Variants in PRKAR1B observed in about 807,000 individuals in gnomAD.
The protein encoded by PRKAR1B is protein kinase cAMP-dependent type I regulatory subunit beta.
PRKAR1B carries 22 observed loss-of-function variants against 46.5 expected under a neutral mutation model. The ratio of observed to expected loss-of-function variants is 0.47; its 90% CI spans 0.34 to 0.68. The LOEUF (loss-of-function observed/expected upper bound fraction) is 0.68. Among genes scored for constraint, PRKAR1B ranks in the 30% least tolerant of loss-of-function variants. The pLI is 0.01. For synonymous variants in PRKAR1B, 259 were observed against 217.7 expected (o/e 1.19, Z -1.67); for missense variants, 445 against 535.6 (o/e 0.83, Z 1.67).
chr7:579,168 G>A, intron 9 of PRKAR1B, 88 bp downstream of exon 9: 1 of 1,605,382 alleles, frequency 6.2e-7, no homozygotes, highest in East Asian at 2.2e-5. Flanking sequence ...CCAGAGGGAG[G>A]GTGAGGCGGG....
intron 8 of PRKAR1B, among the ~76,000 whole-genome samples, chr7:581,299 T>C (rs1341188304): frequency 7.8e-5 from 8 of 101,992 alleles, no homozygotes; most frequent in African/African-American, 3.6e-4. Flanking sequence ...CAACACTCTG[T>C]CTCAAAAAAA....
chr7:637,943 G>A (rs542369845), intron 4 of PRKAR1B, among the ~76,000 whole-genome samples: 4 of 152,332 alleles, frequency 2.6e-5, no homozygotes, highest in South Asian at 2.1e-4. Context: ...CCGTGTGGAC[G>A]CCCAGATTGT....
intron 2 of PRKAR1B, chr7:691,490 G>T (rs1253464299): frequency 1.5e-6 from 2 of 1,304,176 alleles, no homozygotes; most frequent in South Asian, 1.2e-5. Flanking sequence ...GCCCCCCAGC[G>T]CACCACAGCC....
chr7:722,853 C>G (rs1781121900), intron 1 of PRKAR1B, among the ~76,000 whole-genome samples: 1 of 152,236 alleles, frequency 6.6e-6, no homozygotes, highest in Non-Finnish European at 1.5e-5. Flanking sequence ...CCTTGTCCTA[C>G]TCTATTCCAC....
chr7:685,363 T>TAC (rs1554303211), intron 2 of PRKAR1B, among the ~76,000 whole-genome samples: 2 of 53,858 alleles, frequency 3.7e-5, no homozygotes, highest in African/African-American at 1.7e-4. Context: ...CATATATATA[T>TAC]ACACATATAT....
chr7:646,145 A>G (rs1308919974), intron 4 of PRKAR1B, among the ~76,000 whole-genome samples: 1 of 152,090 alleles, frequency 6.6e-6, no homozygotes, highest in Non-Finnish European at 1.5e-5. Flanking sequence ...TCCTGGGCTC[A>G]AGCAATCCTC....
At chr7:632,430 C>A (rs1783808538) in intron 4 of PRKAR1B, among the ~76,000 whole-genome samples, 1 of 152,194 alleles carries the variant, frequency 6.6e-6, no homozygotes, top group Non-Finnish European at 1.5e-5. Context: ...CCGCAGGCTC[C>A]ACCGGGGGGG....
At chr7:712,069 TG>T (rs1489513321) in intron 1 of PRKAR1B, among the ~76,000 whole-genome samples, 2 of 80,142 alleles carry the variant, frequency 2.5e-5, no homozygotes, top group Non-Finnish European at 5.0e-5. Flanking sequence ...GGTGGGGGGG[TG>T]GGGTGCGGGA....
chr7:584,841 C>T (rs1489351558), intron 7 of PRKAR1B, among the ~76,000 whole-genome samples: 1 of 152,236 alleles, frequency 6.6e-6, no homozygotes, highest in South Asian at 2.1e-4. Context: ...CCAGCCAGGA[C>T]CCGTGGTAGT....
At chr7:583,365 AC>A (rs962299853) in intron 8 of PRKAR1B, among the ~76,000 whole-genome samples, 4 of 124,186 alleles carry the variant, frequency 3.2e-5, no homozygotes, top group Non-Finnish European at 7.0e-5. Context: ...ACAGGCGCAC[AC>A]ACCCACTCAC....
intron 4 of PRKAR1B, among the ~76,000 whole-genome samples, chr7:646,435 T>C (rs1784626273): frequency 6.6e-6 from 1 of 152,252 alleles, no homozygotes. Context: ...CATGAACTTT[T>C]CTGCTTCTGC....
At chr7:570,759 C>T (rs920350087) in intron 9 of PRKAR1B, among the ~76,000 whole-genome samples, 4 of 152,292 alleles carry the variant, frequency 2.6e-5, no homozygotes, top group Admixed American at 6.5e-5. Context: ...GCTCTGCAAC[C>T]GGAGCCCCCC....
At position 602,490 on chromosome 7, in the gene PRKAR1B, C is replaced by T. The variant is rs147121203; in HGVS notation, c.549+3703G>A. The T allele has an allele frequency of 6.3e-3, 1,063 of 169,280 alleles. 14 individuals carry two copies. The highest frequency in any genetic ancestry group is 0.024 in the African/African-American group (1,005 of 41,648). The allele number at this position is 169,280 out of a possible 1,614,324, so 10.5% of individuals were successfully genotyped here. ...GGGCTCCCGGGAGCCTGGAGGCCAA[C>T]GGCGGAAAGACAGGGACCTGATCCC... is the stretch of plus-strand genomic sequence containing the variant. On this transcript the variant is annotated intron_variant, in intron 6 of 10. Coordinates refer to ENST00000537384, the MANE Select transcript of PRKAR1B (RefSeq NM_001164760.2). The surrounding 1 kb of genome is among the most constrained non-coding windows in gnomAD (Gnocchi z 6.4).
rs149001609 is a variant in PRKAR1B, at chr7:557,262, G to A, written c.892-5792C>T. 3.9e-3 allele frequency among the ~76,000 whole-genome samples: 597 copies of A among 152,324 alleles called. 5 individuals are homozygous for A. Among genetic ancestry groups the A allele is most frequent in the African/African-American group, 0.013 (558 of 41,562 alleles). On this transcript the variant is annotated intron_variant, in intron 9 of 10. Coordinates refer to ENST00000537384, the MANE Select transcript of PRKAR1B (RefSeq NM_001164760.2). ...CGAATCCCTTCCTCACGTCTCAGCC[G>A]CGTGACACCCGTGACCAGGCCCCTG...
intron 9 of PRKAR1B, among the ~76,000 whole-genome samples, chr7:555,446 C>T (rs992391065): frequency 5.3e-5 from 8 of 152,186 alleles, no homozygotes; most frequent in Non-Finnish European, 1.0e-4. Flanking sequence ...AATTACCACA[C>T]GGATGACTTT....
intron 2 of PRKAR1B, among the ~76,000 whole-genome samples, chr7:696,444 G>GT (rs761520310): frequency 8.6e-5 from 13 of 151,850 alleles, no homozygotes; most frequent in Non-Finnish European, 1.9e-4. Context: ...GCTAATTTTT[G>GT]TATTTTTAGT....
At chr7:616,941 G>T (rs1782855985) in intron 4 of PRKAR1B, among the ~76,000 whole-genome samples, 1 of 149,020 alleles carries the variant, frequency 6.7e-6, no homozygotes, top group East Asian at 2.0e-4. Flanking sequence ...AACAAGGAAA[G>T]TTTGGGGTTT....
At chr7:581,369 G>A (rs1466692961) in intron 8 of PRKAR1B, among the ~76,000 whole-genome samples, 1 of 151,126 alleles carries the variant, frequency 6.6e-6, no homozygotes, top group Non-Finnish European at 1.5e-5. Flanking sequence ...GAACCCAGGC[G>A]TGCTCCCAAG....
At chr7:692,683 A>C (rs1779500396) in intron 2 of PRKAR1B, among the ~76,000 whole-genome samples, 1 of 152,144 alleles carries the variant, frequency 6.6e-6, no homozygotes, top group African/African-American at 2.4e-5. Flanking sequence ...CCTCAGGCCA[A>C]ACTGCGCTCA....
Sources: gnomAD v4.1 joint callset for allele counts (sites outside exome capture counted in the v4.1 genomes callset) on GRCh38, gnomAD v4.1.1 for gene constraint, Gnocchi (gnomAD v3.1) non-coding constraint, MANE v1.5 for transcripts, NCBI Gene and HGNC (gene_info 2026-07-23, HGNC 2026-07-21) for gene names.